The following CREB5 variants were observed in gnomAD, a reference collection of about 807,000 sequenced individuals.
The protein encoded by CREB5 is cyclic AMP-responsive element-binding protein 5.
In CREB5, 19 loss-of-function variants were observed where a neutral mutation model predicts 57.1. The observed-to-expected ratio is 0.33, with a 90% CI of 0.23 to 0.49. CREB5 has a LOEUF of 0.49. Ranked by LOEUF, CREB5 falls within the 20% of genes least tolerant of loss-of-function variation. The pLI is 0.99. For missense variants in CREB5, 579 were observed against 671.6 expected (o/e 0.86, Z 1.52); for synonymous variants, 238 against 238.3 (o/e 1.00, Z 0.01).
intron 7 of CREB5, among the ~76,000 whole-genome samples, chr7:28,752,069 G>A (rs1275010071): frequency 5.9e-5 from 9 of 152,246 alleles, no homozygotes; most frequent in Non-Finnish European, 2.9e-5. Context: ...AAGGGTATAT[G>A]ATGATAAATC....
intron 1 of CREB5, among the ~76,000 whole-genome samples, chr7:28,363,652 A>G (rs961313494): frequency 6.6e-5 from 10 of 151,990 alleles, no homozygotes; most frequent in Admixed American, 6.6e-5. Flanking sequence ...TCATTTTTGT[A>G]TCCTCCTTAT....
chr7:28,765,557 A>G (rs1263134802), intron 7 of CREB5, among the ~76,000 whole-genome samples: 1 of 152,176 alleles, frequency 6.6e-6, no homozygotes, highest in East Asian at 1.9e-4. Context: ...TCTGTCTCCC[A>G]TGGAGCCATG....
At chr7:28,695,458 C>T (rs938894516) in intron 5 of CREB5, among the ~76,000 whole-genome samples, 3 of 152,180 alleles carry the variant, frequency 2.0e-5, no homozygotes, top group African/African-American at 7.2e-5. Flanking sequence ...GAGCAACCAA[C>T]AGGCAGGCCC....
chr7:28,745,356 G>GT (rs141786933), intron 7 of CREB5, among the ~76,000 whole-genome samples: 141 of 152,312 alleles, frequency 9.3e-4, no homozygotes, highest in African/African-American at 3.3e-3. Flanking sequence ...TCCTTGTGCT[G>GT]TATCTCTACA....
At chr7:28,301,427 A>G (rs1785096932) in intron 1 of CREB5, among the ~76,000 whole-genome samples, 2 of 152,154 alleles carry the variant, frequency 1.3e-5, no homozygotes, top group South Asian at 4.1e-4. Flanking sequence ...TTATACATGC[A>G]GAGTCTGCCA....
intron 5 of CREB5, among the ~76,000 whole-genome samples, chr7:28,574,101 C>T (rs150465149): frequency 2.4e-4 from 37 of 152,326 alleles, no homozygotes; most frequent in African/African-American, 6.7e-4. Flanking sequence ...AACTGGCAGA[C>T]GCTCTGCCGG....
chr7:28,400,898 A>G (rs1211988205), intron 1 of CREB5, among the ~76,000 whole-genome samples: 1 of 152,230 alleles, frequency 6.6e-6, no homozygotes, highest in African/African-American at 2.4e-5. Context: ...GATGCTCAAT[A>G]TTAATTTATG....
intron 5 of CREB5, among the ~76,000 whole-genome samples, chr7:28,636,061 A>G (rs1798407145): frequency 6.6e-6 from 1 of 152,262 alleles, no homozygotes; most frequent in Non-Finnish European, 1.5e-5. Flanking sequence ...CTTAGAGATC[A>G]TCTCTTCCAA....
chr7:28,768,418 C>CA (rs202007883), intron 7 of CREB5, among the ~76,000 whole-genome samples: 5 of 151,006 alleles, frequency 3.3e-5, no homozygotes, highest in African/African-American at 9.7e-5. Flanking sequence ...AACCATGTCA[C>CA]AAAAAAAAGG....
intron 1 of CREB5, among the ~76,000 whole-genome samples, chr7:28,396,867 CT>C (rs1377445427): frequency 6.6e-6 from 1 of 152,124 alleles, no homozygotes; most frequent in Non-Finnish European, 1.5e-5. Context: ...CTCCCTTTAC[CT>C]TCTCTTCCTC....
At chr7:28,344,993 G>C (rs1786015012) in intron 1 of CREB5, among the ~76,000 whole-genome samples, 1 of 152,148 alleles carries the variant, frequency 6.6e-6, no homozygotes, top group Non-Finnish European at 1.5e-5. Context: ...CCCAACATCA[G>C]AGCACCTAAA....
chr7:28,684,828 TTTTTC>T (rs1387153189), intron 5 of CREB5, among the ~76,000 whole-genome samples: 3 of 152,182 alleles, frequency 2.0e-5, no homozygotes, highest in Non-Finnish European at 4.4e-5. Context: ...TCATGTTACT[TTTTTC>T]TTTTTGAAGG....
At chr7:28,442,123 A>C (rs576889153) in intron 1 of CREB5, among the ~76,000 whole-genome samples, 1 of 151,736 alleles carries the variant, frequency 6.6e-6, no homozygotes, top group Non-Finnish European at 1.5e-5. Context: ...TCACAATTCT[A>C]CTCTCTACTT....
At chr7:28,367,638 T>A (rs940221315) in intron 1 of CREB5, among the ~76,000 whole-genome samples, 1 of 152,022 alleles carries the variant, frequency 6.6e-6, no homozygotes, top group African/African-American at 2.4e-5. Context: ...TGAAACCCTG[T>A]CTCTACTAAA....
At chr7:28,658,037 A>G (rs997863263) in intron 5 of CREB5, among the ~76,000 whole-genome samples, 1 of 152,140 alleles carries the variant, frequency 6.6e-6, no homozygotes, top group Non-Finnish European at 1.5e-5. Flanking sequence ...CTCTGGTGTA[A>G]ACAATATATT....
intron 7 of CREB5, among the ~76,000 whole-genome samples, chr7:28,771,335 G>A (rs752628670): frequency 8.5e-5 from 13 of 152,152 alleles, no homozygotes; most frequent in East Asian, 1.9e-4. Context: ...AAAATTCAGA[G>A]TCAGTTTACG....
intron 3 of CREB5, among the ~76,000 whole-genome samples, chr7:28,498,896 G>A (rs1032634631): frequency 6.6e-6 from 1 of 152,186 alleles, no homozygotes; most frequent in Non-Finnish European, 1.5e-5. Context: ...TAATTTCATA[G>A]TAAGGGAAGT....
At chr7:28,774,322 G>A (rs974179338) in intron 7 of CREB5, among the ~76,000 whole-genome samples, 12 of 152,144 alleles carry the variant, frequency 7.9e-5, no homozygotes, top group Admixed American at 2.0e-4. Context: ...GCATTCATTT[G>A]TCAGGGCCAT....
chr7:28,412,407 C>G (rs916466425), upstream of CREB5: 4 of 152,322 alleles, frequency 2.6e-5, no homozygotes, highest in African/African-American at 9.6e-5. Flanking sequence ...GAAAGTGTCC[C>G]CCCTTCTAGC....
Sources: gnomAD v4.1 joint callset for allele counts (sites outside exome capture counted in the v4.1 genomes callset) on GRCh38, gnomAD v4.1.1 for gene constraint, MANE v1.5 for transcripts, NCBI Gene and HGNC (gene_info 2026-07-23, HGNC 2026-07-21) for gene names.